DOK5: variants seen among roughly 807,000 people sequenced by gnomAD.
The protein encoded by DOK5 is downstream of tyrosine kinase 5.
In DOK5, 27 loss-of-function variants were observed where a neutral mutation model predicts 43.3. The observed-to-expected ratio is 0.62, with a 90% CI of 0.46 to 0.86. The LOEUF (loss-of-function observed/expected upper bound fraction) is 0.86. Ranked by LOEUF, DOK5 falls within the 40% of genes least tolerant of loss-of-function variation. The pLI, the probability that DOK5 is intolerant of heterozygous loss-of-function variation, is 0.00. For missense variants in DOK5, 373 were observed against 392.9 expected (o/e 0.95, Z 0.43); for synonymous variants, 146 against 140.1 (o/e 1.04, Z -0.30).
chr20:54,566,303 C>A (rs1010512100), intron 2 of DOK5, among the ~76,000 whole-genome samples: 7 of 152,166 alleles, frequency 4.6e-5, no homozygotes, highest in African/African-American at 1.7e-4. Context: ...CCAGAGTTTG[C>A]ATACATTCAT....
In DOK5 at chr20:54,638,576, G is replaced by A. The variant is rs529800551; in HGVS notation, c.736-4882G>A. Reference sequence around the variant, plus strand: ...CCCCCATGGTTCTTCCAACTCTAACGTTCCATGATTCTTTTAAGTTTTTCT... The same window carrying A: ...CCCCCATGGTTCTTCCAACTCTAACATTCCATGATTCTTTTAAGTTTTTCT... On this transcript the variant is annotated intron_variant, in intron 6 of 7. Coordinates refer to ENST00000262593, the MANE Select transcript of DOK5 (RefSeq NM_018431.5). Among the ~76,000 whole-genome samples the A allele has an allele frequency of 2.0e-5, 3 of 152,160 alleles. No homozygotes were observed. The South Asian group carries it at 6.2e-4, about 32-fold the overall frequency.
chr20:54,513,778 A>G (rs1470154689), intron 1 of DOK5, among the ~76,000 whole-genome samples: 1 of 152,218 alleles, frequency 6.6e-6, no homozygotes, highest in African/African-American at 2.4e-5. Flanking sequence ...AGAAAACACA[A>G]TTATTTTTCA....
At chr20:54,506,961 T>G (rs2146683371) in intron 1 of DOK5, among the ~76,000 whole-genome samples, 1 of 152,350 alleles carries the variant, frequency 6.6e-6, no homozygotes, top group Non-Finnish European at 1.5e-5. Flanking sequence ...CCATTTACAG[T>G]TTATTTAATC....
chr20:54,509,278 A>G (rs573288753), intron 1 of DOK5, among the ~76,000 whole-genome samples: 30 of 152,214 alleles, frequency 2.0e-4, no homozygotes, highest in Non-Finnish European at 2.9e-4. Context: ...GTAGCCTTAA[A>G]CTGCTGGGCT....
At chr20:54,491,457 C>T (rs1001767770) in intron 1 of DOK5, among the ~76,000 whole-genome samples, 2 of 152,148 alleles carry the variant, frequency 1.3e-5, no homozygotes, top group African/African-American at 4.8e-5. Flanking sequence ...AGCCTTTTTG[C>T]AGTATCGCAG....
intron 5 of DOK5, among the ~76,000 whole-genome samples, chr20:54,606,645 G>C (rs1432428783): frequency 6.6e-6 from 1 of 152,166 alleles, no homozygotes; most frequent in Non-Finnish European, 1.5e-5. Flanking sequence ...GGTTTTGATG[G>C]AGGCATGTAG....
In DOK5 at chr20:54,495,874, G is replaced by A. The variant is rs537672631; in HGVS notation, c.66+19862G>A. On this transcript the variant is annotated intron_variant, in intron 1 of 7. Transcript: ENST00000262593. Reference sequence around the variant, plus strand: ...TTCAGCCTGGGCAACAGAGTGAGACGCCATCTCAAAGAAAAAAAAAATTAG... The same window carrying A: ...TTCAGCCTGGGCAACAGAGTGAGACACCATCTCAAAGAAAAAAAAAATTAG... Among the ~76,000 whole-genome samples, 95 of 151,918 alleles carry A rather than the reference G, an allele frequency of 6.3e-4. 4 individuals carry two copies. The South Asian group carries it at 0.019, about 31-fold the overall frequency.
chr20:54,549,337 G>A (rs1395090788), intron 1 of DOK5, among the ~76,000 whole-genome samples: 2 of 152,164 alleles, frequency 1.3e-5, no homozygotes, highest in African/African-American at 2.4e-5. Context: ...TATGATATAT[G>A]ACAATAAAGG....
At chr20:54,498,966 CACTG>C (rs1385334584) in intron 1 of DOK5, among the ~76,000 whole-genome samples, 1 of 152,106 alleles carries the variant, frequency 6.6e-6, no homozygotes, top group Non-Finnish European at 1.5e-5. Context: ...AATAATGGGA[CACTG>C]ACTAATAGCT....
chr20:54,600,302 T>TC (rs1986266380), intron 5 of DOK5, among the ~76,000 whole-genome samples: 1 of 152,102 alleles, frequency 6.6e-6, no homozygotes, highest in Non-Finnish European at 1.5e-5. Flanking sequence ...TGGGGAGCCC[T>TC]CAGGGGCTGT....
intron 1 of DOK5, 98 bp downstream of exon 1, chr20:54,476,110 C>G (rs1981412800): frequency 3.8e-6 from 6 of 1,569,418 alleles, no homozygotes; most frequent in Non-Finnish European, 5.2e-6. Flanking sequence ...CCCGGCCGCG[C>G]GCCGGAGAAT....
intron 1 of DOK5, among the ~76,000 whole-genome samples, chr20:54,505,505 A>G (rs960962986): frequency 1.3e-5 from 2 of 152,168 alleles, no homozygotes; most frequent in African/African-American, 2.4e-5. Flanking sequence ...AAGAGTGAAG[A>G]AACACAGACA....
intron 1 of DOK5, among the ~76,000 whole-genome samples, chr20:54,500,478 C>T (rs1224441382): frequency 6.8e-6 from 1 of 148,044 alleles, no homozygotes; most frequent in Non-Finnish European, 1.5e-5. Flanking sequence ...TGGTATATTT[C>T]TTCCTATTTT....
chr20:54,480,356 G>T (rs1449334257), intron 1 of DOK5, among the ~76,000 whole-genome samples: 1 of 152,152 alleles, frequency 6.6e-6, no homozygotes, highest in African/African-American at 2.4e-5. Flanking sequence ...CCAAAACCAA[G>T]ATGGCCATGA....
At position 54,629,846 on chromosome 20, in the gene DOK5, G is replaced by A. The variant is rs535721635; in HGVS notation, c.736-13612G>A. Among the ~76,000 whole-genome samples, 52 of 152,338 alleles carry A rather than the reference G, an allele frequency of 3.4e-4. No homozygotes were observed. The South Asian group carries it at 0.011, about 32-fold the overall frequency. ...AGGGCCAGGTGCTTCAGGCCCAGGA[G>A]CCTTTAAGTGCCAAAGCCCTGAGGC... is the stretch of plus-strand genomic sequence containing the variant. On this transcript the variant is annotated intron_variant, in intron 6 of 7. Coordinates refer to ENST00000262593, the MANE Select transcript of DOK5 (RefSeq NM_018431.5).
At chr20:54,550,577 A>G (rs913324124) in intron 1 of DOK5, among the ~76,000 whole-genome samples, 1 of 152,124 alleles carries the variant, frequency 6.6e-6, no homozygotes, top group Admixed American at 6.6e-5. Context: ...ACCATCGTTA[A>G]TCTGTTTTCC....
intron 7 of DOK5, among the ~76,000 whole-genome samples, chr20:54,645,746 A>C (rs368138314): frequency 5.1e-4 from 78 of 152,248 alleles, no homozygotes; most frequent in African/African-American, 1.8e-3. Context: ...ACAGGAGGGC[A>C]GGAGAGCTGT....
chr20:54,632,775 G>A (rs1978630263), intron 6 of DOK5, among the ~76,000 whole-genome samples: 1 of 152,144 alleles, frequency 6.6e-6, no homozygotes, highest in South Asian at 2.1e-4. Context: ...CTGGGAACTT[G>A]TTACAAAATA....
chr20:54,610,176 G>A (rs1986600720), intron 5 of DOK5, among the ~76,000 whole-genome samples: 1 of 152,232 alleles, frequency 6.6e-6, no homozygotes, highest in African/African-American at 2.4e-5. Flanking sequence ...ATTCAGCACA[G>A]GTTAGCCTGG....
Sources: gnomAD v4.1 joint callset for allele counts (sites outside exome capture counted in the v4.1 genomes callset) on GRCh38, gnomAD v4.1.1 for gene constraint, MANE v1.5 for transcripts, NCBI Gene and HGNC (gene_info 2026-07-23, HGNC 2026-07-21) for gene names.